Variants in PCDHA3 observed in about 807,000 individuals in gnomAD.
PCDHA3 encodes the protein protocadherin alpha-3.
Under a neutral mutation model 62.2 loss-of-function variants are expected in PCDHA3, and 41 were observed. The observed-to-expected ratio is 0.66, with a 90% CI of 0.51 to 0.86. PCDHA3 has a LOEUF of 0.86. Ranked by LOEUF, PCDHA3 falls within the 40% of genes least tolerant of loss-of-function variation. The pLI, the probability that PCDHA3 is intolerant of heterozygous loss-of-function variation, is 0.00. For synonymous variants in PCDHA3, 640 were observed against 555.4 expected (o/e 1.15, Z -2.14); for missense variants, 1,304 against 1,241.2 (o/e 1.05, Z -0.76).
At chr5:140,857,920 G>A (rs2045011675) in intron 1 of PCDHA3, 2 of 1,597,818 alleles carry the variant, frequency 1.3e-6, no homozygotes, top group Non-Finnish European at 1.7e-6. Flanking sequence ...TTCGCGTGGG[G>A]CTGTACACGG....
chr5:140,972,733 G>A (rs1037610917), intron 1 of PCDHA3, among the ~76,000 whole-genome samples: 7 of 147,652 alleles, frequency 4.7e-5, no homozygotes, highest in Non-Finnish European at 7.4e-5. Context: ...GCGTAATCCC[G>A]GCTCACTGCA....
intron 1 of PCDHA3, among the ~76,000 whole-genome samples, chr5:140,880,929 A>T (rs2058535682): frequency 6.6e-6 from 1 of 152,232 alleles, no homozygotes; most frequent in African/African-American, 2.4e-5. Flanking sequence ...TATGTTAGTA[A>T]AAGTAATGGA....
chr5:140,828,322 A>T, intron 1 of PCDHA3: 1 of 1,614,224 alleles, frequency 6.2e-7, no homozygotes, highest in South Asian at 1.1e-5. Flanking sequence ...TTCTGGAGGT[A>T]AATCTGCAGA....
intron 1 of PCDHA3, chr5:140,876,598 G>T: frequency 6.2e-7 from 1 of 1,614,168 alleles, no homozygotes; most frequent in Non-Finnish European, 8.5e-7. Flanking sequence ...TAGCGTGTCG[G>T]ATCGTGACTC....
chr5:140,870,175 G>C (rs2051727190), intron 1 of PCDHA3: 1 of 1,614,012 alleles, frequency 6.2e-7, no homozygotes, highest in South Asian at 1.1e-5. Context: ...GTCCCTCCCA[G>C]TACGAGAGGA....
At chr5:140,828,934 T>G in intron 1 of PCDHA3, 1 of 1,614,266 alleles carries the variant, frequency 6.2e-7, no homozygotes, top group Non-Finnish European at 8.5e-7. Context: ...CATATTCTTT[T>G]AATAGCCTTG....
intron 1 of PCDHA3, chr5:140,828,513 T>C (rs1769799760): frequency 1.2e-6 from 2 of 1,614,200 alleles, no homozygotes; most frequent in Non-Finnish European, 1.7e-6. Flanking sequence ...CAAAGAGTGC[T>C]GATTTACGAA....
chr5:140,884,014 G>T, intron 1 of PCDHA3: 2 of 1,613,168 alleles, frequency 1.2e-6, no homozygotes, highest in Non-Finnish European at 1.7e-6. Context: ...AGCTGATGCC[G>T]CGGTCGGTGG....
At chr5:140,877,489 G>C (rs782165291) in intron 1 of PCDHA3, 3 of 1,613,844 alleles carry the variant, frequency 1.9e-6, no homozygotes, top group Non-Finnish European at 1.7e-6. Context: ...GGTGGAGAAC[G>C]GCCAGGCCCC....
intron 3 of PCDHA3, among the ~76,000 whole-genome samples, chr5:140,995,391 G>A (rs2097681152): frequency 1.3e-5 from 2 of 152,170 alleles, no homozygotes; most frequent in African/African-American, 2.4e-5. Context: ...AGGATAAAGC[G>A]GGATGGCTCG....
At chr5:140,823,585 G>T in intron 1 of PCDHA3, 1 of 1,614,018 alleles carries the variant, frequency 6.2e-7, no homozygotes, top group Non-Finnish European at 8.5e-7. Flanking sequence ...GGGCTACAAC[G>T]CTTGGCTTTC....
At chr5:140,821,760 T>C (rs201374772) in intron 1 of PCDHA3, 197 of 1,588,374 alleles carry the variant, frequency 1.2e-4, no homozygotes, top group East Asian at 4.3e-4. Flanking sequence ...AAGCTCATAA[T>C]TGGAACGAGA....
chr5:140,815,581 T>G (rs1274271500), intron 1 of PCDHA3: 1 of 152,156 alleles, frequency 6.6e-6, no homozygotes, highest in Admixed American at 6.5e-5. Flanking sequence ...TTAATCAGAT[T>G]TTAAAATATC....
intron 1 of PCDHA3, chr5:140,810,570 AAGTTGAGTACCTTT>A (rs1764685550): frequency 6.6e-6 from 1 of 152,366 alleles, no homozygotes; most frequent in South Asian, 2.1e-4. Flanking sequence ...TATTTAAATG[AAGTTGAGTACCTTT>A]CTATTTTATT....
chr5:140,828,538 T>C (rs2150156522), intron 1 of PCDHA3: 19 of 1,614,100 alleles, frequency 1.2e-5, no homozygotes, highest in African/African-American at 6.7e-5. Context: ...GGCTGCCAGA[T>C]TCTGTGTTTC....
At chr5:140,836,597 T>C (rs2150265046) in intron 1 of PCDHA3, 7 of 1,613,676 alleles carry the variant, frequency 4.3e-6, no homozygotes, top group Non-Finnish European at 5.1e-6. Context: ...TAAAGCCCAC[T>C]CTGGTGTGCT....
At chr5:140,888,260 A>G (rs563968634) in intron 1 of PCDHA3, among the ~76,000 whole-genome samples, 1 of 152,194 alleles carries the variant, frequency 6.6e-6, no homozygotes, top group South Asian at 2.1e-4. Flanking sequence ...GTAGTTCTTG[A>G]TAAGAAACAG....
intron 1 of PCDHA3, chr5:140,863,088 C>T: frequency 1.7e-6 from 1 of 574,660 alleles, no homozygotes; most frequent in Non-Finnish European, 3.4e-6. Flanking sequence ...GCGAGATCAG[C>T]ACGACGAGTA....
At chr5:140,939,281 G>C (rs1554212652) in intron 1 of PCDHA3, among the ~76,000 whole-genome samples, 1 of 152,014 alleles carries the variant, frequency 6.6e-6, no homozygotes. Context: ...CTGTGCCCTC[G>C]TGATCTAATC....
Sources: gnomAD v4.1 joint callset for allele counts (sites outside exome capture counted in the v4.1 genomes callset) on GRCh38, gnomAD v4.1.1 for gene constraint, MANE v1.5 for transcripts, NCBI Gene and HGNC (gene_info 2026-07-23, HGNC 2026-07-21) for gene names.